The following GSE1 variants were observed in gnomAD, a reference collection of about 807,000 sequenced individuals.
GSE1 encodes the protein genetic suppressor element 1.
GSE1 carries 32 observed loss-of-function variants against 112.6 expected under a neutral mutation model. The ratio of observed to expected loss-of-function variants is 0.28; its 90% confidence interval spans 0.21 to 0.38. GSE1 has a LOEUF of 0.38. Ranked by LOEUF, GSE1 falls within the 10% of genes least tolerant of loss-of-function variation. The pLI is 1.00. For missense variants in GSE1, 2,348 were observed against 1,699.2 expected (o/e 1.38, Z -6.71); for synonymous variants, 1,115 against 735.6 (o/e 1.52, Z -8.35).
At chr16:85,478,629 T>C (rs909794720) in intron 2 of GSE1, among the ~76,000 whole-genome samples, 1 of 152,062 alleles carries the variant, frequency 6.6e-6, no homozygotes, top group Non-Finnish European at 1.5e-5. Context: ...GTATCAAGAA[T>C]GATGCTGGCA....
intron 1 of GSE1, among the ~76,000 whole-genome samples, chr16:85,332,142 A>G (rs1413165403): frequency 1.3e-5 from 2 of 152,118 alleles, no homozygotes; most frequent in Non-Finnish European, 2.9e-5. Context: ...AGTCACACCC[A>G]AGCAAGTGGG....
intron 2 of GSE1, among the ~76,000 whole-genome samples, chr16:85,450,477 T>G (rs2049645798): frequency 6.6e-6 from 1 of 150,576 alleles, no homozygotes; most frequent in African/African-American, 2.4e-5. Context: ...TGAGACAGAG[T>G]CGCACTCTGT....
chr16:85,362,073 G>T (rs920291994), intron 2 of GSE1, among the ~76,000 whole-genome samples: 1 of 152,196 alleles, frequency 6.6e-6, no homozygotes, highest in East Asian at 1.9e-4. Flanking sequence ...CAGCTCCAGG[G>T]CTGGGGACTC....
chr16:85,432,314 T>C (rs2049141803), intron 2 of GSE1, among the ~76,000 whole-genome samples: 1 of 152,190 alleles, frequency 6.6e-6, no homozygotes, highest in South Asian at 2.1e-4. Flanking sequence ...AGGATGCACT[T>C]GAAATCAACA....
intron 1 of GSE1, among the ~76,000 whole-genome samples, chr16:85,356,731 A>G (rs955633628): frequency 6.6e-6 from 1 of 152,196 alleles, no homozygotes; most frequent in Non-Finnish European, 1.5e-5. Context: ...GGCTCAAGCC[A>G]TCCTCCTGCC....
chr16:85,543,283 G>T (rs143383848), intron 2 of GSE1, among the ~76,000 whole-genome samples: 1 of 152,076 alleles, frequency 6.6e-6, no homozygotes, highest in African/African-American at 2.4e-5. Flanking sequence ...CCAGGGGCTA[G>T]GAGATGGACC....
chr16:85,523,296 G>A lies in GSE1; in HGVS notation c.2465-110618G>A, dbSNP rs930851984. On this transcript the variant is annotated intron_variant, in intron 2 of 2. Coordinates refer to the GSE1 transcript ENST00000637419. ...TGTGAGACCTCTGTGTGTTGTATGC[G>A]TGTGCCTGTGGTTGTGCGTGCCCTG... 5.3e-5 allele frequency among the ~76,000 whole-genome samples: 8 copies of A among 151,020 alleles called. No homozygotes were observed. In the South Asian group the frequency reaches 1.0e-3, roughly 20 times the overall value.
intron 1 of GSE1, among the ~76,000 whole-genome samples, chr16:85,205,323 G>C (rs181082772): frequency 1.2e-3 from 186 of 152,160 alleles, no homozygotes; most frequent in African/African-American, 4.1e-3. Context: ...GTAGAGACGG[G>C]GTTTCGCCAT....
intron 2 of GSE1, among the ~76,000 whole-genome samples, chr16:85,403,091 T>A (rs1597614931): frequency 6.6e-6 from 1 of 150,970 alleles, no homozygotes; most frequent in Admixed American, 6.6e-5. Flanking sequence ...CCATGGTTGC[T>A]GGGGGGGGAC....
chr16:85,565,394 C>CAAAAAAAAAAA (rs36033236), intron 1 of GSE1, among the ~76,000 whole-genome samples: 3 of 119,456 alleles, frequency 2.5e-5, no homozygotes, highest in African/African-American at 1.0e-4. Context: ...GACTCTGTCT[C>CAAAAAAAAAAA]AAAAAAAAAA....
chr16:85,485,604 C>A (rs1345224319), intron 2 of GSE1, among the ~76,000 whole-genome samples: 1 of 152,260 alleles, frequency 6.6e-6, no homozygotes, highest in Non-Finnish European at 1.5e-5. Flanking sequence ...GCTAATGAGC[C>A]TGCTCGCACC....
chr16:85,568,732 C>A (rs1442927244), intron 1 of GSE1, among the ~76,000 whole-genome samples: 1 of 152,214 alleles, frequency 6.6e-6, no homozygotes, highest in Non-Finnish European at 1.5e-5. Flanking sequence ...TGGTAACTCA[C>A]AGCTCATTAG....
At chr16:85,621,203 T>G (rs1477613092) in intron 1 of GSE1, among the ~76,000 whole-genome samples, 1 of 151,436 alleles carries the variant, frequency 6.6e-6, no homozygotes, top group Non-Finnish European at 1.5e-5. Flanking sequence ...GTGTAGATGG[T>G]CTTGGCCCTG....
chr16:85,628,766 T>C (rs1418296860), intron 1 of GSE1, among the ~76,000 whole-genome samples: 1 of 152,144 alleles, frequency 6.6e-6, no homozygotes, highest in Non-Finnish European at 1.5e-5. Flanking sequence ...AGGATGAAAG[T>C]GAAAGACATA....
chr16:85,510,232 A>G (rs1418994849), intron 2 of GSE1, among the ~76,000 whole-genome samples: 3 of 152,320 alleles, frequency 2.0e-5, no homozygotes, highest in Non-Finnish European at 4.4e-5. Flanking sequence ...TGGGGGCTGA[A>G]TTTCCATTTT....
At chr16:85,172,828 G>A (rs979272071) in intron 1 of GSE1, among the ~76,000 whole-genome samples, 1 of 152,234 alleles carries the variant, frequency 6.6e-6, no homozygotes, top group Non-Finnish European at 1.5e-5. Flanking sequence ...ACCTGCACGT[G>A]TGGGGCACGG....
chr16:85,501,506 C>A (rs1321690391), intron 2 of GSE1, among the ~76,000 whole-genome samples: 1 of 151,830 alleles, frequency 6.6e-6, no homozygotes. Context: ...GATCTCCCGC[C>A]TCAGCCTCCT....
chr16:85,436,265 A>C (rs2049244378), intron 2 of GSE1, among the ~76,000 whole-genome samples: 1 of 152,214 alleles, frequency 6.6e-6, no homozygotes, highest in African/African-American at 2.4e-5. Flanking sequence ...ATCAGAGCGC[A>C]GGAGTCCTGC....
chr16:85,376,986 G>C (rs2047435727), intron 2 of GSE1, among the ~76,000 whole-genome samples: 2 of 152,384 alleles, frequency 1.3e-5, no homozygotes, highest in South Asian at 4.1e-4. Flanking sequence ...CGTTTGGCCA[G>C]AGTTGCCCAG....
Sources: allele counts gnomAD v4.1 joint callset (sites outside exome capture counted in the v4.1 genomes callset), GRCh38; gene constraint gnomAD v4.1.1; transcripts MANE v1.5; gene names NCBI Gene and HGNC (gene_info 2026-07-23, HGNC 2026-07-21).